The following EYS variants were observed in gnomAD, a reference collection of about 807,000 sequenced individuals.
EYS encodes the protein protein eyes shut homolog.
In EYS, 250 loss-of-function variants were observed where a neutral mutation model predicts 282.1. That is an observed-to-expected ratio of 0.89 (90% confidence interval 0.80 to 0.98). The LOEUF (loss-of-function observed/expected upper bound fraction) is 0.98, where lower values mean the gene tolerates loss of function less well. Ranked by LOEUF, EYS falls within the 50% of genes least tolerant of loss-of-function variation. EYS has a pLI of 0.00. For missense variants in EYS, 4,016 were observed against 3,709.0 expected (o/e 1.08, Z -2.15); for synonymous variants, 1,355 against 1,282.9 (o/e 1.06, Z -1.20).
chr6:64,421,860 GGTGT>G (rs58632994), intron 28 of EYS, among the ~76,000 whole-genome samples: 7 of 138,268 alleles, frequency 5.1e-5, no homozygotes, highest in Admixed American at 1.4e-4. Flanking sequence ...TTGTTTGGGG[GGTGT>G]GTGTGTGTGT....
intron 29 of EYS, among the ~76,000 whole-genome samples, chr6:64,352,544 T>A (rs1301677030): frequency 6.6e-6 from 1 of 151,548 alleles, no homozygotes; most frequent in Non-Finnish European, 1.5e-5. Flanking sequence ...AATGTTTTTA[T>A]CACAAATGTA....
At chr6:64,831,842 C>T (rs1431624393) in intron 19 of EYS, among the ~76,000 whole-genome samples, 1 of 151,732 alleles carries the variant, frequency 6.6e-6, no homozygotes, top group Non-Finnish European at 1.5e-5. Context: ...CTAAGACAAG[C>T]AAAAACAATA....
chr6:64,277,887 C>T (rs1224446704), intron 30 of EYS, among the ~76,000 whole-genome samples: 1 of 151,828 alleles, frequency 6.6e-6, no homozygotes, highest in Non-Finnish European at 1.5e-5. Context: ...TGGTTCTGGG[C>T]TAAAACTAAA....
chr6:64,590,834 A>T lies in EYS; in HGVS notation c.5033T>A (p.Leu1678Ter), dbSNP rs1766382484. 2 of 1,550,200 alleles carry T rather than the reference A, an allele frequency of 1.3e-6. No individual in the cohort carries two copies. Among genetic ancestry groups the T allele is most frequent in the African/African-American group, 2.7e-5 (2 of 72,960 alleles). Residue 1678 changes from leucine to a stop codon, truncating the protein, a stop_gained, in exon 26 of 43, where the codon TTG becomes TAG. Transcript: ENST00000503581. LOFTEE classifies it high-confidence loss of function. ...IVPSQTISSD[L>*]MNSDLTSKMT... ...TTTTGAAGTCAAATCAGAATTCATC[A>T]AGTCTGAAGAGATAGTTTGTGAAGG...
intron 13 of EYS, among the ~76,000 whole-genome samples, chr6:65,027,022 G>C (rs13216649): frequency 7.4e-6 from 1 of 135,574 alleles, no homozygotes; most frequent in African/African-American, 2.5e-5. Context: ...TGTAATGTGT[G>C]TTTTTTTTTT....
intron 12 of EYS, among the ~76,000 whole-genome samples, chr6:65,269,737 C>T: frequency 6.6e-6 from 1 of 152,138 alleles, no homozygotes; most frequent in Non-Finnish European, 1.5e-5. Context: ...TTCCAAGTTT[C>T]AGACTGCTCA....
chr6:65,156,513 C>T (rs1177845253), intron 12 of EYS, among the ~76,000 whole-genome samples: 3 of 151,158 alleles, frequency 2.0e-5, no homozygotes, highest in Middle Eastern at 3.4e-3. Flanking sequence ...AACTATATTC[C>T]TCAGTTAACA....
intron 36 of EYS, among the ~76,000 whole-genome samples, chr6:63,849,180 G>A (rs1167814235): frequency 6.6e-6 from 1 of 152,172 alleles, no homozygotes; most frequent in Non-Finnish European, 1.5e-5. Context: ...AAAGGCAGCA[G>A]CCCCAGTCAG....
At chr6:64,059,209 T>C (rs3003682) in intron 33 of EYS, among the ~76,000 whole-genome samples, 5,513 of 152,284 alleles carry the variant, frequency 0.036, 322 homozygotes, top group African/African-American at 0.12. Context: ...ACTTGCCACC[T>C]GTCCCTTTCT....
At chr6:65,136,190 C>T (rs879471870) in intron 12 of EYS, among the ~76,000 whole-genome samples, 10 of 151,754 alleles carry the variant, frequency 6.6e-5, no homozygotes, top group Non-Finnish European at 1.0e-4. Flanking sequence ...AAGTTTGATC[C>T]ATAGCATATT....
At chr6:64,116,017 C>T (rs750343004) in intron 31 of EYS, among the ~76,000 whole-genome samples, 4 of 151,358 alleles carry the variant, frequency 2.6e-5, no homozygotes, top group South Asian at 2.1e-4. Context: ...CCAACAAAAT[C>T]GGAAAAATAA....
intron 30 of EYS, among the ~76,000 whole-genome samples, chr6:64,250,801 T>C (rs912144495): frequency 6.6e-6 from 1 of 152,326 alleles, no homozygotes; most frequent in African/African-American, 2.4e-5. Flanking sequence ...TTAATTTCCA[T>C]GTGAGTTCTA....
rs1257203855 is a variant in EYS, at chr6:65,295,919, G to T, written c.1967C>A (p.Thr656Lys). 1 of 1,550,552 alleles carries T rather than the reference G, an allele frequency of 6.4e-7. No individual in the cohort carries two copies. Among genetic ancestry groups the T allele is most frequent in the Non-Finnish European group, 8.7e-7 (1 of 1,146,324 alleles). ...ATATCCCCTTAAATGTGTACTAGTT[G>T]TTCCATTTTTGCAGGACGCAGATTT... Reference protein sequence around the residue: ...DCKSASCKNGTTSTHLRGYFF... With the variant: ...DCKSASCKNGKTSTHLRGYFF... The change falls in exon 12 of 43, where the codon ACA becomes AAA. Residue 656 changes from threonine (T) to lysine (K), a missense_variant. Thr to Lys is a moderately conservative substitution (Grantham distance 78). Coordinates refer to ENST00000503581, the MANE Select transcript of EYS (RefSeq NM_001142800.2).
intron 41 of EYS, among the ~76,000 whole-genome samples, chr6:63,736,379 C>T (rs1361416336): frequency 6.6e-6 from 1 of 152,034 alleles, no homozygotes; most frequent in Non-Finnish European, 1.5e-5. Flanking sequence ...TCAGGTTTGT[C>T]AAAGATCAGA....
At chr6:64,446,558 A>AT (rs57892564) in intron 26 of EYS, among the ~76,000 whole-genome samples, 12,571 of 151,032 alleles carry the variant, frequency 0.083, 1,735 homozygotes, top group African/African-American at 0.29. Context: ...GGCATTTTTC[A>AT]TTTTTTTTTG....
rs182977437 is a variant in EYS at position 65,376,887 on chromosome 6, G to T, written c.1299+7499C>A. On this transcript the variant is annotated intron_variant, in intron 8 of 42. Coordinates refer to ENST00000503581, the MANE Select transcript of EYS (RefSeq NM_001142800.2). ...GATTCATAAAAATAAATTCTTAGAG[G>T]CCTACAAAGAGACGTAGACTCCCTC... Among the ~76,000 whole-genome samples, 203 of 152,050 alleles carry T rather than the reference G, an allele frequency of 1.3e-3. 5 individuals carry two copies. The South Asian group carries it at 0.04, about 30-fold the overall frequency.
At chr6:65,506,190 C>T (rs1054635805) in intron 2 of EYS, among the ~76,000 whole-genome samples, 1 of 152,040 alleles carries the variant, frequency 6.6e-6, no homozygotes, top group East Asian at 1.9e-4. Flanking sequence ...TATCTTTTCT[C>T]GTCTCTTTTA....
chr6:64,031,182 G>A (rs528834052), intron 33 of EYS, among the ~76,000 whole-genome samples: 297 of 152,314 alleles, frequency 1.9e-3, no homozygotes, highest in Non-Finnish European at 3.7e-3. Flanking sequence ...GGGAACCGGG[G>A]CTGCACATGC....
At chr6:64,732,046 C>T (rs182823499) in intron 22 of EYS, among the ~76,000 whole-genome samples, 2 of 152,058 alleles carry the variant, frequency 1.3e-5, no homozygotes, top group African/African-American at 2.4e-5. Context: ...TCAATCTCAG[C>T]AAACTAACAG....
Sources: allele counts gnomAD v4.1 joint callset (sites outside exome capture counted in the v4.1 genomes callset), GRCh38; gene constraint gnomAD v4.1.1; transcripts MANE v1.5; gene names NCBI Gene and HGNC (gene_info 2026-07-23, HGNC 2026-07-21).